Variants in POFUT2 observed in about 807,000 individuals in gnomAD.
POFUT2 encodes the protein protein O-fucosyltransferase 2.
POFUT2 carries 30 observed loss-of-function variants against 55.0 expected under a neutral mutation model. The observed-to-expected ratio is 0.55, with a 90% CI of 0.41 to 0.74. The LOEUF (loss-of-function observed/expected upper bound fraction) is 0.74. POFUT2 is among the 30% of genes least tolerant of loss of function. The probability of loss-of-function intolerance (pLI) is 0.00; values close to 1 mark genes in which losing one functional copy is unlikely to be tolerated. For missense variants in POFUT2, 524 were observed against 562.6 expected (o/e 0.93, Z 0.69); for synonymous variants, 267 against 231.1 (o/e 1.16, Z -1.41).
intron 1 of POFUT2, 90 bp from the exon 2 acceptor site, chr21:45,286,018 G>T: frequency 8.7e-7 from 1 of 1,153,036 alleles, no homozygotes; most frequent in Non-Finnish European, 1.2e-6. Flanking sequence ...CGCGTGGCCC[G>T]ACTCTAGGCA....
intron 6 of POFUT2, among the ~76,000 whole-genome samples, chr21:45,273,417 G>C (rs2093235975): frequency 6.6e-6 from 1 of 152,086 alleles, no homozygotes; most frequent in Non-Finnish European, 1.5e-5. Context: ...AAAAGTCCAG[G>C]ACCCAATGAA....
chr21:45,275,577 G>A (rs1336088229), intron 6 of POFUT2, among the ~76,000 whole-genome samples: 1 of 152,176 alleles, frequency 6.6e-6, no homozygotes, highest in Non-Finnish European at 1.5e-5. Context: ...CCATAACAAG[G>A]AACGAAATGA....
rs765689442 is a variant in POFUT2 at position 45,285,200 on chromosome 21, G to A, written c.382+478C>T. 3 of 185,358 alleles carry A rather than the reference G, an allele frequency of 1.6e-5. No individual in the cohort carries two copies. The highest frequency in any genetic ancestry group is 3.4e-5 in the Non-Finnish European group (3 of 87,152). 11.5% of individuals were successfully genotyped at this position (185,358 alleles called of 1,614,324 possible). A position where few individuals can be genotyped will look rare whatever the true frequency, so the allele number is the denominator to read the frequency against. On this transcript the variant is annotated intron_variant, in intron 2 of 8. Coordinates refer to ENST00000349485, the MANE Select transcript of POFUT2 (RefSeq NM_133635.6). This position sits in a 1 kb window ranked among gnomAD's most constrained non-coding sequence, Gnocchi z 4.9. Reference sequence around the variant, plus strand: ...AAAGCTCTAAATACCTTCATTCTAAGAAGAGCTTTAATTCTTCTCTTAAAA... The same window carrying A: ...AAAGCTCTAAATACCTTCATTCTAAAAAGAGCTTTAATTCTTCTCTTAAAA...
chr21:45,268,217 G>A (rs146431200), intron 7 of POFUT2, among the ~76,000 whole-genome samples: 3,236 of 152,352 alleles, frequency 0.021, 123 homozygotes, highest in African/African-American at 0.074. Context: ...GCCCCTAACC[G>A]CGAGTGATCC....
intron 5 of POFUT2, 79 bp downstream of exon 5, chr21:45,278,024 C>A: frequency 8.9e-7 from 1 of 1,118,986 alleles, no homozygotes; most frequent in South Asian, 1.2e-5. Context: ...AAAGAGCTGT[C>A]GACTGTTTTA....
In POFUT2 at chr21:45,270,916, T is replaced by C. The variant is rs2093213968; in HGVS notation, c.832-897A>G. ...ACAGTAGCCCGTGAGTTCCAGATCT[T>C]TCCACTGAAGTAGTCTGCCCAAATG... On this transcript the variant is annotated intron_variant, in intron 6 of 8. Coordinates refer to ENST00000349485, the MANE Select transcript of POFUT2 (RefSeq NM_133635.6). This position sits in a 1 kb window ranked among gnomAD's most constrained non-coding sequence, Gnocchi z 4.6. 6.6e-6 allele frequency among the ~76,000 whole-genome samples: 1 copy of C among 152,226 alleles called. No homozygotes were observed. Among genetic ancestry groups the C allele is most frequent in the Admixed American group, 6.5e-5 (1 of 15,294 alleles).
Position 45,265,883 on chromosome 21 carries a change from GC to G in POFUT2, c.1137-249del. The G allele has an allele frequency of 7.4e-7, 1 of 1,350,144 alleles. No individual in the cohort carries two copies. Among genetic ancestry groups the G allele is most frequent in the South Asian group, 1.5e-5 (1 of 65,448 alleles). The allele number at this position is 1,350,144 out of a possible 1,614,324, so 83.6% of individuals were successfully genotyped here. The stretch of plus-strand genomic sequence containing the variant: ...CAGCCCCATCCACACCCCACAGTCA[GC>G]AGCCGCCACGCTCCTGTCCCACCGC... On this transcript the variant is annotated intron_variant, in intron 8 of 8. Transcript: ENST00000349485. The surrounding 1 kb of genome is among the most constrained non-coding windows in gnomAD (Gnocchi z 4.6).
chr21:45,267,488 T>G lies in POFUT2; in HGVS notation c.1136+102A>C, dbSNP rs1240041772. 6.2e-7 allele frequency: 1 copy of G among 1,614,142 alleles called. No homozygotes were observed. Among genetic ancestry groups the G allele is most frequent in the Non-Finnish European group, 8.5e-7 (1 of 1,180,030 alleles). ...GCAAACAGTATGGAAATGACCACTG[T>G]GAACACAGGCGACCATCTGCTCTGA... is the stretch of plus-strand genomic sequence containing the variant. On this transcript the variant is annotated intron_variant, in intron 8 of 8. Transcript: ENST00000349485. The surrounding 1 kb of genome is among the most constrained non-coding windows in gnomAD (Gnocchi z 4.4).
At chr21:45,266,285 C>T (rs2093153549) in intron 8 of POFUT2, 3 of 1,367,032 alleles carry the variant, frequency 2.2e-6, no homozygotes, top group Non-Finnish European at 2.9e-6. Flanking sequence ...ATGCACAGCG[C>T]TGTACACAGA....
At chr21:45,269,341 A>G (rs2093195866) in intron 7 of POFUT2, among the ~76,000 whole-genome samples, 1 of 152,206 alleles carries the variant, frequency 6.6e-6, no homozygotes, top group Non-Finnish European at 1.5e-5. Context: ...TTTGTGGAAT[A>G]GAAAGGCGGG....
At chr21:45,287,221 G>T (rs1219357372) in intron 1 of POFUT2, among the ~76,000 whole-genome samples, 1 of 85,652 alleles carries the variant, frequency 1.2e-5, no homozygotes, top group Middle Eastern at 8.2e-3. Flanking sequence ...CCCTGCCCCT[G>T]TCCCGTCCCC....
rs139347559 is a variant in POFUT2, at chr21:45,278,765, C to T, written c.639-596G>A. Among the ~76,000 whole-genome samples, 13 of 152,334 alleles carry T rather than the reference C, an allele frequency of 8.5e-5. No individual in the cohort carries two copies. The East Asian group carries it at 1.3e-3, about 16-fold the overall frequency. On this transcript the variant is annotated intron_variant, in intron 4 of 8. Coordinates refer to ENST00000349485, the MANE Select transcript of POFUT2 (RefSeq NM_133635.6). The stretch of plus-strand genomic sequence containing the variant: ...TGTGAAAGGTGAGGTGCGTGAAGCA[C>T]GTGAGGAACGTCCTGGGGTTATTTC...
At chr21:45,268,648 T>G (rs1235923815) in intron 7 of POFUT2, among the ~76,000 whole-genome samples, 1 of 144,066 alleles carries the variant, frequency 6.9e-6, no homozygotes, top group African/African-American at 2.6e-5. Context: ...CCATCTGGGA[T>G]GTGAGGAGCG....
chr21:45,267,798 C>T lies in POFUT2; in HGVS notation c.1013-85G>A. ...ACTCTTTAGCAGACAGACATGCGTA[C>T]TTGGCTTCTGGTTAATTCGTTAGGA... On this transcript the variant is annotated intron_variant, in intron 7 of 8. Transcript: ENST00000349485. The surrounding 1 kb of genome is among the most constrained non-coding windows in gnomAD (Gnocchi z 4.4). 8.0e-7 allele frequency: 1 copy of T among 1,243,698 alleles called. No individual in the cohort carries two copies. Among genetic ancestry groups the T allele is most frequent in the South Asian group, 1.3e-5 (1 of 74,368 alleles). 77.0% of individuals were successfully genotyped at this position (1,243,698 alleles called of 1,614,324 possible).
At chr21:45,269,720 C>T (rs2093200788) in intron 7 of POFUT2, 119 bp downstream of exon 7, 4 of 900,660 alleles carry the variant, frequency 4.4e-6, no homozygotes, top group South Asian at 1.6e-5. Context: ...GCTGACCTTC[C>T]CTCCACTATT....
At chr21:45,286,802 G>A (rs1351120502) in intron 1 of POFUT2, among the ~76,000 whole-genome samples, 1 of 152,062 alleles carries the variant, frequency 6.6e-6, no homozygotes, top group African/African-American at 2.4e-5. Context: ...TGCGTGCAGC[G>A]CCCAGGCCTG....
chr21:45,266,095 C>A (rs2093151334), intron 8 of POFUT2: 2 of 1,335,686 alleles, frequency 1.5e-6, no homozygotes, highest in South Asian at 1.2e-5. Flanking sequence ...TCAAGGCCCC[C>A]TCCACACACA....
At chr21:45,280,839 C>T (rs180942406) in intron 4 of POFUT2, among the ~76,000 whole-genome samples, 38 of 152,340 alleles carry the variant, frequency 2.5e-4, no homozygotes, top group African/African-American at 7.7e-4. Flanking sequence ...CGCTGAGTTT[C>T]GTCTCCTGTA....
intron 8 of POFUT2, chr21:45,266,245 C>T (rs758250604): frequency 3.7e-6 from 5 of 1,367,498 alleles, no homozygotes; most frequent in Non-Finnish European, 3.9e-6. Flanking sequence ...AACAAGCAAA[C>T]CCCAGAGATG....
Sources: gnomAD v4.1 joint callset for allele counts (sites outside exome capture counted in the v4.1 genomes callset) on GRCh38, gnomAD v4.1.1 for gene constraint, Gnocchi (gnomAD v3.1) non-coding constraint, MANE v1.5 for transcripts, NCBI Gene and HGNC (gene_info 2026-07-23, HGNC 2026-07-21) for gene names.